Variants in MAF observed in about 807,000 individuals in gnomAD.
MAF encodes transcription factor Maf.
Under a neutral mutation model 22.0 loss-of-function variants are expected in MAF, and 10 were observed. The observed-to-expected ratio is 0.45, with a 90% confidence interval of 0.28 to 0.77. MAF has a LOEUF of 0.77. MAF is among the 30% of genes least tolerant of loss of function. MAF has a pLI of 0.12. For missense variants in MAF, 544 were observed against 548.4 expected (o/e 0.99, Z 0.08); for synonymous variants, 337 against 255.8 (o/e 1.32, Z -3.03).
At chr16:79,441,360 G>C in the MAF span, among the ~76,000 whole-genome samples, 1,009 of 152,306 alleles carry the variant, frequency 6.6e-3, 11 homozygotes, top group Middle Eastern at 6.8e-3. Flanking sequence ...AGAAGGTATA[G>C]AACAGGGGTT....
the MAF span, among the ~76,000 whole-genome samples, chr16:79,531,933 G>A: frequency 2.7e-4 from 41 of 152,244 alleles, no homozygotes; most frequent in Admixed American, 1.3e-4. Flanking sequence ...GGTCCAAAGC[G>A]GGGTTTGGAT....
chr16:79,473,838 TA>T, the MAF span, among the ~76,000 whole-genome samples: 1 of 151,994 alleles, frequency 6.6e-6, no homozygotes, highest in Non-Finnish European at 1.5e-5. Flanking sequence ...GTTTTAAATT[TA>T]AAAAAAATCA....
the MAF span, among the ~76,000 whole-genome samples, chr16:79,436,047 A>G: frequency 6.6e-6 from 1 of 152,214 alleles, no homozygotes; most frequent in Non-Finnish European, 1.5e-5. Flanking sequence ...AATTTGTAAA[A>G]AGAGCAAAGT....
Position 79,598,857 on chromosome 16 carries a change from T to C in MAF, c.1046A>G (p.Glu349Gly). The C allele has an allele frequency of 1.2e-6, 2 of 1,613,664 alleles. No homozygotes were observed. Among genetic ancestry groups the C allele is most frequent in the Non-Finnish European group, 1.7e-6 (2 of 1,179,950 alleles). ...RERDAYKEKY[E>G]KLVSSGFREN... ...TCGGAAGCCGCTGCTCACCAACTTC[T>C]CGTATTTCTCCTTGTACGCGTCCCT... The change falls in exon 1 of 2, where the codon GAG becomes GGG. Residue 349 changes from glutamate (E) to glycine (G), a missense_variant. By Grantham distance (98) the Glu-to-Gly change is moderately conservative (BLOSUM62 -2). Coordinates refer to ENST00000326043, the MANE Select transcript of MAF (RefSeq NM_005360.5).
the MAF span, among the ~76,000 whole-genome samples, chr16:79,550,492 A>G: frequency 3.9e-5 from 6 of 152,136 alleles, no homozygotes; most frequent in African/African-American, 1.2e-4. Context: ...GAAACCTCAC[A>G]TTGAAACAGC....
At chr16:79,257,813 G>C in the MAF span, among the ~76,000 whole-genome samples, 1 of 152,168 alleles carries the variant, frequency 6.6e-6, no homozygotes, top group Non-Finnish European at 1.5e-5. Flanking sequence ...GTTGCTGTTA[G>C]TGAAAACTGG....
At chr16:79,400,596 T>G in the MAF span, among the ~76,000 whole-genome samples, 4 of 152,216 alleles carry the variant, frequency 2.6e-5, no homozygotes, top group African/African-American at 4.8e-5. Flanking sequence ...AATACCCCCT[T>G]CACGGGTTTC....
chr16:79,351,085 A>T, the MAF span, among the ~76,000 whole-genome samples: 1 of 152,110 alleles, frequency 6.6e-6, no homozygotes, highest in African/African-American at 2.4e-5. Flanking sequence ...GCTGTCATAC[A>T]AGTGGCATGC....
At chr16:79,522,255 T>C in the MAF span, among the ~76,000 whole-genome samples, 3 of 152,234 alleles carry the variant, frequency 2.0e-5, no homozygotes, top group Non-Finnish European at 4.4e-5. Context: ...CATTGAGCTC[T>C]CAGCTCCCCT....
rs1240660325 is a variant in MAF at position 79,595,628 on chromosome 16, G to A, written c.1119-1075C>T. ...GAGTCCTACTAGTGAAGGTAGTTTTGAGTCTTTCCAAGGGATCTTTAAGTC... is the reference window on the plus strand; with the variant it reads ...GAGTCCTACTAGTGAAGGTAGTTTTAAGTCTTTCCAAGGGATCTTTAAGTC... On this transcript the variant is annotated intron_variant, in intron 1 of 1. Transcript: ENST00000326043. 3.8e-6 allele frequency: 4 copies of A among 1,058,018 alleles called. No individual in the cohort carries two copies. The African/African-American group carries it at 6.6e-5, about 17-fold the overall frequency. The allele number at this position is 1,058,018 out of a possible 1,614,324, so 65.5% of individuals were successfully genotyped here.
At chr16:79,350,846 T>C in the MAF span, among the ~76,000 whole-genome samples, 1 of 150,202 alleles carries the variant, frequency 6.7e-6, no homozygotes, top group African/African-American at 2.5e-5. Context: ...GTACAGCAGG[T>C]GGCCTGCCTA....
At chr16:79,571,504 C>T in the MAF span, among the ~76,000 whole-genome samples, 3 of 145,172 alleles carry the variant, frequency 2.1e-5, no homozygotes, top group Admixed American at 7.0e-5. Context: ...TATTAGCATA[C>T]TACAAGAAAA....
the MAF span, among the ~76,000 whole-genome samples, chr16:79,506,764 A>G: frequency 6.6e-6 from 1 of 152,196 alleles, no homozygotes; most frequent in African/African-American, 2.4e-5. Context: ...CAGCAAGAGA[A>G]CCAATGATGC....
the MAF span, among the ~76,000 whole-genome samples, chr16:79,458,933 G>T: frequency 1.8e-4 from 28 of 152,244 alleles, no homozygotes; most frequent in African/African-American, 6.3e-4. Context: ...AGGGAAAGAT[G>T]TACTTTTCAT....
At chr16:79,211,014 AGTATGAAT>A in the MAF span, among the ~76,000 whole-genome samples, 1 of 133,828 alleles carries the variant, frequency 7.5e-6, no homozygotes, top group African/African-American at 2.7e-5. Context: ...GTTTGTGCTA[AGTATGAAT>A]GTATGGTGAG....
chr16:79,293,308 G>C, the MAF span, among the ~76,000 whole-genome samples: 7 of 152,096 alleles, frequency 4.6e-5, no homozygotes, highest in Non-Finnish European at 1.0e-4. Context: ...GTCTACAGAG[G>C]ATGGATTAAG....
At chr16:79,439,269 T>A in the MAF span, among the ~76,000 whole-genome samples, 1 of 149,110 alleles carries the variant, frequency 6.7e-6, no homozygotes, top group South Asian at 2.2e-4. Context: ...TTTTTTTTTT[T>A]TTTTTTTTTT....
At chr16:79,582,432 T>C (rs1391992854), downstream of MAF, among the ~76,000 whole-genome samples, 2 of 152,248 alleles carry the variant, frequency 1.3e-5, no homozygotes, top group Admixed American at 1.3e-4. Context: ...GCTTAATGTT[T>C]CTTTAAGTTG....
chr16:79,529,283 T>A, the MAF span, among the ~76,000 whole-genome samples: 3 of 152,100 alleles, frequency 2.0e-5, no homozygotes, highest in Non-Finnish European at 4.4e-5. Flanking sequence ...GTCAGATGGA[T>A]CCAGTTTGAC....
Sources: allele counts gnomAD v4.1 joint callset (sites outside exome capture counted in the v4.1 genomes callset), GRCh38; gene constraint gnomAD v4.1.1; transcripts MANE v1.5; gene names NCBI Gene and HGNC (gene_info 2026-07-23, HGNC 2026-07-21).